The following NEK4 variants were observed in gnomAD, a reference collection of about 807,000 sequenced individuals.
NEK4 encodes serine/threonine-protein kinase Nek4.
In NEK4, 86 loss-of-function variants were observed where a neutral mutation model predicts 98.4. The ratio of observed to expected loss-of-function variants is 0.87; its 90% CI spans 0.73 to 1.05. The LOEUF (loss-of-function observed/expected upper bound fraction) is 1.05. NEK4 is among the 50% of genes least tolerant of loss of function. The probability of loss-of-function intolerance (pLI) is 0.00; values close to 1 mark genes in which losing one functional copy is unlikely to be tolerated. For missense variants in NEK4, 898 were observed against 950.3 expected (o/e 0.94, Z 0.72); for synonymous variants, 328 against 342.2 (o/e 0.96, Z 0.46).
rs187332751 is a variant in NEK4 at position 52,711,866 on chromosome 3, G to C, written c.2437C>G (p.Arg813Gly). The C allele has an allele frequency of 3.2e-6, 5 of 1,578,646 alleles. No homozygotes were observed. Among genetic ancestry groups the C allele is most frequent in the East Asian group, 2.3e-5 (1 of 44,410 alleles). Residue 813 changes from arginine to glycine, a missense_variant, in exon 16 of 16, where the codon CGT (arginine) becomes GGT (glycine). Coordinates refer to ENST00000233027, the MANE Select transcript of NEK4 (RefSeq NM_003157.6). ...TTTTCACCCATGTGCTCCCGCAAAC[G>C]TACCTATTTGAGAAACAAAAAGAAA... ...EEEDEFDREVRLREHMGEKYT... is the reference protein window; with the variant it reads ...EEEDEFDREVGLREHMGEKYT...
At chr3:52,746,948 G>T in intron 8 of NEK4, 44 bp from the exon 9 acceptor site, 1 of 1,429,726 alleles carries the variant, frequency 7.0e-7, no homozygotes, top group Non-Finnish European at 9.7e-7. Flanking sequence ...GCAGCAACCT[G>T]GTACATTGTA....
chr3:52,727,680 C>T (rs970153364), intron 15 of NEK4, among the ~76,000 whole-genome samples: 31 of 152,052 alleles, frequency 2.0e-4, no homozygotes, highest in Admixed American at 7.9e-4. Flanking sequence ...ACAGGTTGGA[C>T]GGGCTGGTGT....
At chr3:52,740,329 A>G (rs2097383647) in intron 13 of NEK4, among the ~76,000 whole-genome samples, 1 of 152,178 alleles carries the variant, frequency 6.6e-6, no homozygotes, top group African/African-American at 2.4e-5. Flanking sequence ...GAAAACATGA[A>G]CATGTTAAAG....
chr3:52,756,107 T>C (rs528167271), intron 6 of NEK4, among the ~76,000 whole-genome samples: 206 of 152,322 alleles, frequency 1.4e-3, no homozygotes, highest in South Asian at 4.6e-3. Context: ...TTCTTTCTTT[T>C]TTTCTCTTTT....
intron 11 of NEK4, 89 bp downstream of exon 11, chr3:52,744,150 T>C: frequency 1.1e-6 from 1 of 927,716 alleles, no homozygotes; most frequent in Non-Finnish European, 1.8e-6. Context: ...TGCTGGAAAG[T>C]TTCAACCTCT....
At chr3:52,715,926 G>A (rs1383024973) in intron 15 of NEK4, among the ~76,000 whole-genome samples, 1 of 151,508 alleles carries the variant, frequency 6.6e-6, no homozygotes, top group Non-Finnish European at 1.5e-5. Context: ...AGCCAGGGCT[G>A]TGACTTCCTC....
chr3:52,740,997 G>A (rs112824891), intron 13 of NEK4, among the ~76,000 whole-genome samples: 14,400 of 151,658 alleles, frequency 0.095, 1,695 homozygotes, highest in African/African-American at 0.28. Context: ...CACTTTGGGA[G>A]GCCGAGGTGG....
At chr3:52,764,593 T>A (rs2154106769) in intron 4 of NEK4, among the ~76,000 whole-genome samples, 1 of 150,790 alleles carries the variant, frequency 6.6e-6, no homozygotes, top group East Asian at 2.0e-4. Context: ...ATTGCACCAC[T>A]GCACTCCAGT....
At chr3:52,746,596 T>A in intron 9 of NEK4, 138 bp downstream of exon 9, 1 of 733,168 alleles carries the variant, frequency 1.4e-6, no homozygotes, top group Admixed American at 2.9e-5. Flanking sequence ...AAAACTACTA[T>A]TTAGCATCTT....
rs2154101543 is a variant in NEK4 at position 52,710,455 on chromosome 3, TTTAG to T, written c.*1318_*1321del. ...TGTAATTTTCAAAGATAGATATATT[TTTAG>T]TTATAGAAACTGAAAACAGGGCTGG... On this transcript the variant is annotated 3_prime_UTR_variant, in exon 16 of 16. Coordinates refer to ENST00000233027, the MANE Select transcript of NEK4 (RefSeq NM_003157.6). 6.6e-6 allele frequency: 1 copy of T among 151,982 alleles called. No homozygotes were observed. Among genetic ancestry groups the T allele is most frequent in the East Asian group, 1.9e-4 (1 of 5,148 alleles). 9.4% of individuals were successfully genotyped at this position (151,982 alleles called of 1,614,324 possible).
rs189761073 is a variant in NEK4 at position 52,766,393 on chromosome 3, A to G, written c.361-18T>C. ...TGTAAATACTGAGGAAAGAAACAAG[A>G]TTTTATTACATATAAATAGACTTAA... is the stretch of plus-strand genomic sequence containing the variant. On this transcript the variant is annotated intron_variant, in intron 2 of 15. Transcript: ENST00000233027. 1 of 1,538,468 alleles carries G rather than the reference A, an allele frequency of 6.5e-7. No individual in the cohort carries two copies.
intron 10 of NEK4, 130 bp downstream of exon 10, chr3:52,745,931 C>G: frequency 1.2e-6 from 1 of 817,288 alleles, no homozygotes; most frequent in Non-Finnish European, 2.0e-6. Flanking sequence ...CTATATTGCC[C>G]AGGCCAGTCT....
At chr3:52,712,005 A>T in intron 15 of NEK4, 136 bp from the exon 16 acceptor site, 1 of 505,098 alleles carries the variant, frequency 2.0e-6, no homozygotes, top group South Asian at 3.8e-5. Flanking sequence ...TTCAGTTTAC[A>T]TAAAACTTTT....
At chr3:52,734,767 T>C (rs999270811) in intron 15 of NEK4, 5 of 237,554 alleles carry the variant, frequency 2.1e-5, no homozygotes, top group Non-Finnish European at 3.4e-5. Flanking sequence ...TCTACAACAT[T>C]GAATTCAACC....
intron 15 of NEK4, among the ~76,000 whole-genome samples, chr3:52,729,676 C>G (rs1251524702): frequency 3.4e-5 from 5 of 146,690 alleles, no homozygotes; most frequent in African/African-American, 1.0e-4. Context: ...CCACTGCACT[C>G]TAGCCTGGGC....
At position 52,746,907 on chromosome 3, in the gene NEK4, TA is replaced by T; in HGVS notation, c.1507-4del. 6.2e-7 allele frequency: 1 copy of T among 1,606,054 alleles called. No individual in the cohort carries two copies. The highest frequency in any genetic ancestry group is 8.5e-7 in the Non-Finnish European group (1 of 1,173,294). On this transcript the variant is annotated splice_polypyrimidine_tract_variant and splice_region_variant and intron_variant, in intron 8 of 15. Coordinates refer to ENST00000233027, the MANE Select transcript of NEK4 (RefSeq NM_003157.6). Reference sequence around the variant, plus strand: ...ATACATTCACCAGCAACTTGATCCTTAAAAACAATAAAATGACATTTTAAAG... The same window carrying T: ...ATACATTCACCAGCAACTTGATCCTTAAAACAATAAAATGACATTTTAAAG...
chr3:52,711,674 A>C lies in NEK4; in HGVS notation c.*103T>G. 1.4e-6 allele frequency: 1 copy of C among 703,846 alleles called. No individual in the cohort carries two copies. Among genetic ancestry groups the C allele is most frequent in the Non-Finnish European group, 2.5e-6 (1 of 392,334 alleles). 43.6% of individuals were successfully genotyped at this position (703,846 alleles called of 1,614,324 possible). ...CAAAGAGATATAAAAAAGAGATATA[A>C]AACAGTGGTGAGTGGCTTCCAAATG... On this transcript the variant is annotated 3_prime_UTR_variant, in exon 16 of 16. Coordinates refer to ENST00000233027, the MANE Select transcript of NEK4 (RefSeq NM_003157.6).
chr3:52,722,318 C>A (rs936968724), intron 15 of NEK4, among the ~76,000 whole-genome samples: 1 of 152,076 alleles, frequency 6.6e-6, no homozygotes, highest in African/African-American at 2.4e-5. Context: ...AACTGCTGAA[C>A]GTGGGTACAA....
chr3:52,746,330 A>AT, intron 9 of NEK4, 120 bp from the exon 10 acceptor site: 3 of 934,274 alleles, frequency 3.2e-6, no homozygotes, highest in Non-Finnish European at 3.2e-6. Flanking sequence ...AAAACATTGC[A>AT]TTTTTTTGGA....
Sources: gnomAD v4.1 joint callset for allele counts (sites outside exome capture counted in the v4.1 genomes callset) on GRCh38, gnomAD v4.1.1 for gene constraint, MANE v1.5 for transcripts, NCBI Gene and HGNC (gene_info 2026-07-23, HGNC 2026-07-21) for gene names.